The following KCNT1 variants were observed in gnomAD, a reference collection of about 807,000 sequenced individuals.
The protein encoded by KCNT1 is potassium channel subfamily T member 1.
KCNT1 carries 78 observed loss-of-function variants against 147.8 expected under a neutral mutation model. The observed-to-expected ratio is 0.53, with a 90% CI of 0.44 to 0.64. The LOEUF is 0.64. KCNT1 is among the 30% of genes least tolerant of loss of function. KCNT1 has a pLI of 0.00. For synonymous variants in KCNT1, 867 were observed against 748.8 expected (o/e 1.16, Z -2.58); for missense variants, 1,419 against 1,750.3 (o/e 0.81, Z 3.38).
At position 135,709,028 on chromosome 9, in the gene KCNT1, A is replaced by G. The variant is rs369633835; in HGVS notation, c.111-5549A>G. 2.2e-4 allele frequency among the ~76,000 whole-genome samples: 34 copies of G among 152,300 alleles called. 1 individual carries two copies. In the South Asian group the frequency reaches 4.6e-3, roughly 20 times the overall value. ...CCTTAGCTGTTCCGTTTGCCATAAC[A>G]CACATCGTGCATGATGTATTCACTT... On this transcript the variant is annotated intron_variant, in intron 1 of 30. Transcript: ENST00000371757.
At position 135,751,703 on chromosome 9, in the gene KCNT1, C is replaced by T. The variant is rs1003200840; in HGVS notation, c.434+662C>T. 3.9e-5 allele frequency among the ~76,000 whole-genome samples: 6 copies of T among 152,228 alleles called. No homozygotes were observed. The East Asian group carries it at 1.2e-3, about 29-fold the overall frequency. ...CCAGCGTGCCTTGGCAACTCCTGCT[C>T]ACCTCTGTGTGGGTCCCAGGGGACA... On this transcript the variant is annotated intron_variant, in intron 4 of 30. Coordinates refer to ENST00000371757, the MANE Select transcript of KCNT1 (RefSeq NM_020822.3).
At chr9:135,718,753 G>A (rs1222453715) in intron 2 of KCNT1, among the ~76,000 whole-genome samples, 6 of 152,216 alleles carry the variant, frequency 3.9e-5, no homozygotes, top group African/African-American at 1.4e-4. Flanking sequence ...GGCTGTGAGC[G>A]AGCAGGTGGG....
intron 19 of KCNT1, among the ~76,000 whole-genome samples, chr9:135,774,414 G>A (rs1564376404): frequency 7.0e-6 from 1 of 142,900 alleles, no homozygotes; most frequent in African/African-American, 2.7e-5. Flanking sequence ...TGTGTGTGGT[G>A]TGTGTCTGTG....
chr9:135,749,367 G>T (rs369053137), intron 2 of KCNT1, among the ~76,000 whole-genome samples: 1 of 151,744 alleles, frequency 6.6e-6, no homozygotes, highest in African/African-American at 2.4e-5. Flanking sequence ...TCTCAGGACC[G>T]CCGGGGCCCG....
In KCNT1 at chr9:135,795,273, A is replaced by C. The variant is rs1231734723; in HGVS notation, c.*3112A>C. 1 of 138,518 alleles carries C rather than the reference A, an allele frequency of 7.2e-6. No individual in the cohort carries two copies. Among genetic ancestry groups the C allele is most frequent in the Non-Finnish European group, 1.5e-5 (1 of 65,274 alleles). The allele number at this position is 138,518 out of a possible 1,614,324, so 8.6% of individuals were successfully genotyped here. ...GGGCAACATGATGAACCCTGACTGTATCAAAAAGTACAAAAAAAAAAATAG... is the reference window on the plus strand; with the variant it reads ...GGGCAACATGATGAACCCTGACTGTCTCAAAAAGTACAAAAAAAAAAATAG... On this transcript the variant is annotated 3_prime_UTR_variant, in exon 31 of 31. Coordinates refer to ENST00000371757, the MANE Select transcript of KCNT1 (RefSeq NM_020822.3).
chr9:135,765,395 G>A (rs1832196022), intron 12 of KCNT1, among the ~76,000 whole-genome samples, 200 bp downstream of exon 12: 1 of 149,692 alleles, frequency 6.7e-6, no homozygotes, highest in Non-Finnish European at 1.5e-5. Flanking sequence ...GGACTGCTTG[G>A]CAAGTCCCTG....
intron 2 of KCNT1, among the ~76,000 whole-genome samples, chr9:135,737,743 C>T (rs2131375054): frequency 6.6e-6 from 1 of 152,294 alleles, no homozygotes; most frequent in Non-Finnish European, 1.5e-5. Context: ...GCCCAGGAGC[C>T]TCTCCCTTAC....
intron 2 of KCNT1, among the ~76,000 whole-genome samples, chr9:135,743,706 A>G (rs927593603): frequency 2.6e-5 from 4 of 152,282 alleles, no homozygotes; most frequent in African/African-American, 9.6e-5. Context: ...AGCCGAGGCT[A>G]TAGTGTGTGC....
At chr9:135,739,021 C>T (rs969982861) in intron 2 of KCNT1, among the ~76,000 whole-genome samples, 4 of 152,114 alleles carry the variant, frequency 2.6e-5, no homozygotes, top group Non-Finnish European at 1.5e-5. Context: ...ACCCCTGGAC[C>T]TAGGCGGCCT....
chr9:135,712,795 T>G (rs558908970), intron 1 of KCNT1, among the ~76,000 whole-genome samples: 56 of 152,258 alleles, frequency 3.7e-4, no homozygotes, highest in African/African-American at 1.1e-3. Context: ...TCTGGCTCTG[T>G]GGGGGGAACA....
chr9:135,786,959 G>A (rs1210472761), intron 29 of KCNT1, among the ~76,000 whole-genome samples: 1 of 152,242 alleles, frequency 6.6e-6, no homozygotes, highest in Non-Finnish European at 1.5e-5. Flanking sequence ...ATCAGCTAGA[G>A]TTGGGCCAGC....
At chr9:135,751,449 C>T (rs1250506390) in intron 4 of KCNT1, among the ~76,000 whole-genome samples, 1 of 152,076 alleles carries the variant, frequency 6.6e-6, no homozygotes, top group African/African-American at 2.4e-5. Flanking sequence ...GTCTTCTACC[C>T]CTCCTGGGTC....
chr9:135,768,449 A>G, intron 13 of KCNT1, 161 bp from the exon 14 acceptor site: 1 of 567,940 alleles, frequency 1.8e-6, no homozygotes, highest in Non-Finnish European at 3.2e-6. Flanking sequence ...CCCGCCTTCC[A>G]TCCTCTCCGC....
At chr9:135,768,349 G>GGC (rs1832474129) in intron 13 of KCNT1, 1 of 211,550 alleles carries the variant, frequency 4.7e-6, no homozygotes, top group Non-Finnish European at 8.8e-6. Flanking sequence ...TGGGTTGGGG[G>GGC]GGGGGGGGGC....
chr9:135,714,078 C>T lies in KCNT1; in HGVS notation c.111-499C>T, dbSNP rs1165016. Among the ~76,000 whole-genome samples the T allele has an allele frequency of 0.69, 104,181 of 151,680 alleles. 36,855 individuals carry two copies. The highest frequency in any genetic ancestry group is 0.77 in the Non-Finnish European group (52,112 of 67,846). ...CACTCCACCCTCACCCCTCAACAGC[C>T]TGAGGGTCTGAGACGGGGGTCTCTG... On this transcript the variant is annotated intron_variant, in intron 1 of 30. Transcript: ENST00000371757. The surrounding 1 kb of genome is among the most constrained non-coding windows in gnomAD (Gnocchi z 6.2).
At chr9:135,784,147 G>A (rs1401681421) in intron 25 of KCNT1, 22 bp downstream of exon 25, 2 of 1,584,814 alleles carry the variant, frequency 1.3e-6, no homozygotes, top group East Asian at 4.5e-5. Flanking sequence ...AGCGGCAGCA[G>A]GAGGGTGGCG....
At position 135,793,921 on chromosome 9, in the gene KCNT1, A is replaced by T. The variant is rs1335783267; in HGVS notation, c.*1760A>T. 1 of 151,898 alleles carries T rather than the reference A, an allele frequency of 6.6e-6. No homozygotes were observed. Among genetic ancestry groups the T allele is most frequent in the Non-Finnish European group, 1.5e-5 (1 of 68,250 alleles). 9.4% of individuals were successfully genotyped at this position (151,898 alleles called of 1,614,324 possible). On this transcript the variant is annotated 3_prime_UTR_variant, in exon 31 of 31. Transcript: ENST00000371757. ...GGGGTCTATCACGTTCCTGGGATCC[A>T]AGCAGCGAGCACGCCCTGCCCCGCA... is the stretch of plus-strand genomic sequence containing the variant.
At chr9:135,722,219 C>T (rs1305268546) in intron 2 of KCNT1, among the ~76,000 whole-genome samples, 2 of 152,184 alleles carry the variant, frequency 1.3e-5, no homozygotes, top group Admixed American at 1.3e-4. Flanking sequence ...CCCCCAAACA[C>T]ACCCCCAGGA....
chr9:135,784,625 G>GC lies in KCNT1; in HGVS notation c.3027+11dup, dbSNP rs754661787. On this transcript the variant is annotated splice_region_variant and intron_variant, in intron 26 of 30. Coordinates refer to ENST00000371757, the MANE Select transcript of KCNT1 (RefSeq NM_020822.3). ...CTCGGGGTACCTCTGTGCCGTAAGT[G>GC]CCCCTGGCTGCGCTGGGCTGGGGGC... is the stretch of plus-strand genomic sequence containing the variant. The GC allele has an allele frequency of 1.1e-5, 17 of 1,611,506 alleles. No homozygotes were observed. Among genetic ancestry groups the GC allele is most frequent in the Non-Finnish European group, 1.4e-5 (17 of 1,179,560 alleles).
Sources: gnomAD v4.1 joint callset for allele counts (sites outside exome capture counted in the v4.1 genomes callset) on GRCh38, gnomAD v4.1.1 for gene constraint, Gnocchi (gnomAD v3.1) non-coding constraint, MANE v1.5 for transcripts, NCBI Gene and HGNC (gene_info 2026-07-23, HGNC 2026-07-21) for gene names.